The following REV1 variants were observed in gnomAD, a reference collection of about 807,000 sequenced individuals.
REV1 encodes the protein translesion synthesis protein REV1.
Under a neutral mutation model 137.4 loss-of-function variants are expected in REV1, and 42 were observed. The observed-to-expected ratio is 0.31, with a 90% CI of 0.24 to 0.40. The LOEUF (loss-of-function observed/expected upper bound fraction) is 0.40, where lower values mean the gene tolerates loss of function less well. Ranked by LOEUF, REV1 falls within the 10% of genes least tolerant of loss-of-function variation. REV1 has a pLI of 1.00. For synonymous variants in REV1, 524 were observed against 519.2 expected (o/e 1.01, Z -0.12); for missense variants, 1,282 against 1,490.1 (o/e 0.86, Z 2.30).
At chr2:99,485,295 T>A (rs1279703692) in intron 1 of REV1, among the ~76,000 whole-genome samples, 1 of 152,216 alleles carries the variant, frequency 6.6e-6, no homozygotes, top group Non-Finnish European at 1.5e-5. Context: ...CATCAATTCT[T>A]TCTTCTCTTA....
At chr2:99,463,464 G>A (rs911323897) in intron 2 of REV1, among the ~76,000 whole-genome samples, 1 of 152,132 alleles carries the variant, frequency 6.6e-6, no homozygotes, top group African/African-American at 2.4e-5. Flanking sequence ...GGTTGCAAAC[G>A]AGCTGAGATC....
intron 1 of REV1, among the ~76,000 whole-genome samples, chr2:99,480,762 A>T (rs1168671302): frequency 6.6e-6 from 1 of 152,200 alleles, no homozygotes; most frequent in African/African-American, 2.4e-5. Flanking sequence ...CTTCTATTAA[A>T]TGTAATTCCA....
chr2:99,463,865 C>A (rs1028796086), intron 2 of REV1, among the ~76,000 whole-genome samples: 37 of 152,142 alleles, frequency 2.4e-4, no homozygotes, highest in Non-Finnish European at 3.2e-4. Context: ...CTCAGGTGAT[C>A]CACCTGCCTG....
At chr2:99,479,155 C>T (rs1686304923) in intron 1 of REV1, among the ~76,000 whole-genome samples, 1 of 151,704 alleles carries the variant, frequency 6.6e-6, no homozygotes. Context: ...TGGTGAAATC[C>T]CGTCTCTACT....
At position 99,402,632 on chromosome 2, in the gene REV1, G is replaced by A. The variant is rs749973933; in HGVS notation, c.3541+12C>T. On this transcript the variant is annotated intron_variant, in intron 21 of 22. Transcript: ENST00000258428. ...TCTCAGCCTTGGGCCATCTAACACA[G>A]GCCAAGCCAACCTGAAATTGTAGTT... 6.2e-7 allele frequency: 1 copy of A among 1,612,384 alleles called. No homozygotes were observed. Among genetic ancestry groups the A allele is most frequent in the East Asian group, 2.2e-5 (1 of 44,862 alleles).
At chr2:99,475,728 TACTCCCAGC>T (rs1685896903) in intron 1 of REV1, among the ~76,000 whole-genome samples, 1 of 152,172 alleles carries the variant, frequency 6.6e-6, no homozygotes, top group African/African-American at 2.4e-5. Context: ...CTCACGCCTG[TACTCCCAGC>T]ACTTTGGGAG....
At position 99,435,888 on chromosome 2, in the gene REV1, C is replaced by T. The variant is rs1414454469; in HGVS notation, c.1267G>A (p.Asp423Asn). 1 of 1,609,192 alleles carries T rather than the reference C, an allele frequency of 6.2e-7. No homozygotes were observed. The highest frequency in any genetic ancestry group is 1.7e-5 in the Admixed American group (1 of 59,828). Reference sequence around the variant, plus strand: ...ACTGATACAAAGAAGCAATCCATATCAACATGCATTATACAGCTCTGATGT... The same window carrying T: ...ACTGATACAAAGAAGCAATCCATATTAACATGCATTATACAGCTCTGATGT... The part of the protein sequence containing the change: ...PRHQSCIMHV[D>N]MDCFFVSVGI... The change falls in exon 7 of 23, where the codon GAT (aspartate) becomes AAT (asparagine). Residue 423 changes from aspartate to asparagine, a missense_variant. Asp to Asn is a conservative substitution (Grantham distance 23). Around this residue, in one of 7 missense-constraint regions of REV1, gnomAD observed 432 missense variants for 438.0 expected, o/e 0.99. Transcript: ENST00000258428.
intron 8 of REV1, chr2:99,431,713 C>G: frequency 2.0e-6 from 2 of 985,216 alleles, no homozygotes; most frequent in South Asian, 9.4e-5. Flanking sequence ...GCAGCACCAT[C>G]GTGTTCCTCT....
At chr2:99,419,888 T>G (rs1194822871) in intron 11 of REV1, among the ~76,000 whole-genome samples, 1 of 152,154 alleles carries the variant, frequency 6.6e-6, no homozygotes, top group Non-Finnish European at 1.5e-5. Flanking sequence ...TATAGAAGAC[T>G]TATATAAACA....
At chr2:99,482,394 C>A (rs1383390041) in intron 1 of REV1, among the ~76,000 whole-genome samples, 3 of 152,156 alleles carry the variant, frequency 2.0e-5, no homozygotes, top group Non-Finnish European at 4.4e-5. Flanking sequence ...AGTCATTCTA[C>A]CAAATTATCA....
rs889610562 is a variant in REV1, at chr2:99,400,956, C to T, written c.*285G>A. ...AAGGAGCCTGTACAAAATATACATA[C>T]AGTTCTTTATTAAACAACTGTAAAC... On this transcript the variant is annotated 3_prime_UTR_variant, in exon 23 of 23. Coordinates refer to ENST00000258428, the MANE Select transcript of REV1 (RefSeq NM_016316.4). 1 of 196,322 alleles carries T rather than the reference C, an allele frequency of 5.1e-6. No homozygotes were observed. Among genetic ancestry groups the T allele is most frequent in the East Asian group, 1.2e-4 (1 of 8,258 alleles). The allele number at this position is 196,322 out of a possible 1,614,324, so 12.2% of individuals were successfully genotyped here.
chr2:99,481,477 A>G (rs953801889), intron 1 of REV1, among the ~76,000 whole-genome samples: 2 of 152,232 alleles, frequency 1.3e-5, no homozygotes, highest in Non-Finnish European at 2.9e-5. Context: ...TTAATACAAC[A>G]GAGGTAACTG....
intron 3 of REV1, among the ~76,000 whole-genome samples, chr2:99,459,070 T>C (rs932870683): frequency 5.9e-5 from 9 of 152,162 alleles, no homozygotes; most frequent in Admixed American, 6.5e-5. Flanking sequence ...TAGCCAGGCG[T>C]GGTGGTGGCC....
At chr2:99,486,895 A>G (rs1189921798) in intron 1 of REV1, among the ~76,000 whole-genome samples, 1 of 143,432 alleles carries the variant, frequency 7.0e-6, no homozygotes, top group Non-Finnish European at 1.5e-5. Flanking sequence ...AAACAAGTCT[A>G]AGGGGGGAAA....
At chr2:99,479,723 G>T (rs1210270936) in intron 1 of REV1, among the ~76,000 whole-genome samples, 3 of 152,032 alleles carry the variant, frequency 2.0e-5, no homozygotes, top group Non-Finnish European at 4.4e-5. Flanking sequence ...GGAAGGTCAA[G>T]GCTGCAGTGA....
At chr2:99,472,893 C>T (rs1284055955) in intron 1 of REV1, among the ~76,000 whole-genome samples, 1 of 152,184 alleles carries the variant, frequency 6.6e-6, no homozygotes, top group African/African-American at 2.4e-5. Context: ...TTTTATGTAA[C>T]ATTTAGATAT....
intron 17 of REV1, 44 bp from the exon 18 acceptor site, chr2:99,404,721 A>T: frequency 7.4e-7 from 1 of 1,356,016 alleles, no homozygotes; most frequent in South Asian, 1.2e-5. Context: ...AAGCATGCTC[A>T]GAGATGAGGT....
At chr2:99,422,223 T>G (rs1443621235) in intron 10 of REV1, among the ~76,000 whole-genome samples, 1 of 152,240 alleles carries the variant, frequency 6.6e-6, no homozygotes, top group Non-Finnish European at 1.5e-5. Context: ...ACTCTCTGCA[T>G]GTGGACATAC....
chr2:99,439,290 A>G lies in REV1; in HGVS notation c.524T>C (p.Ile175Thr), dbSNP rs1681168765. 8 of 1,612,426 alleles carry G rather than the reference A, an allele frequency of 5.0e-6. No individual in the cohort carries two copies. Among genetic ancestry groups the G allele is most frequent in the Non-Finnish European group, 6.8e-6 (8 of 1,178,722 alleles). The change falls in exon 6 of 23, where the codon ATT becomes ACT. Residue 175 changes from isoleucine (I) to threonine (T), a missense_variant. This residue lies in a region of REV1 where 432 missense variants were observed against 438.0 expected (regional missense o/e 0.99). Coordinates refer to ENST00000258428, the MANE Select transcript of REV1 (RefSeq NM_016316.4). ...GACTTTGACTTCATTTTCCGTTTCAATCTTCTTAACGATGTGATTTCTAAA... is the reference window on the plus strand; with the variant it reads ...GACTTTGACTTCATTTTCCGTTTCAGTCTTCTTAACGATGTGATTTCTAAA... ...NNRVNHIVKK[I>T]ETENEVKVNG...
Sources: allele counts gnomAD v4.1 joint callset (sites outside exome capture counted in the v4.1 genomes callset), GRCh38; gene constraint gnomAD v4.1.1; regional missense constraint gnomAD v4.1.1; transcripts MANE v1.5; gene names NCBI Gene and HGNC (gene_info 2026-07-23, HGNC 2026-07-21).